The following DCDC2 variants were observed in gnomAD, a reference collection of about 807,000 sequenced individuals.
DCDC2 encodes doublecortin domain-containing protein 2.
Under a neutral mutation model 50.2 loss-of-function variants are expected in DCDC2, and 40 were observed. The ratio of observed to expected loss-of-function variants is 0.80; its 90% CI spans 0.62 to 1.04. The LOEUF (loss-of-function observed/expected upper bound fraction) is 1.04. Among genes scored for constraint, DCDC2 ranks in the 50% least tolerant of loss-of-function variants. DCDC2 has a pLI of 0.00. For missense variants in DCDC2, 570 were observed against 581.9 expected (o/e 0.98, Z 0.21); for synonymous variants, 234 against 210.6 (o/e 1.11, Z -0.96).
At chr6:24,289,179 T>C (rs576375896) in intron 5 of DCDC2, among the ~76,000 whole-genome samples, 19 of 152,334 alleles carry the variant, frequency 1.2e-4, no homozygotes, top group African/African-American at 4.3e-4. Flanking sequence ...TGTATAGCAT[T>C]TTTATCCAGA....
chr6:24,201,920 C>T (rs909659124), intron 8 of DCDC2, among the ~76,000 whole-genome samples: 2 of 152,106 alleles, frequency 1.3e-5, no homozygotes, highest in East Asian at 1.9e-4. Context: ...GACACATACA[C>T]CCTCCCAAGA....
intron 8 of DCDC2, among the ~76,000 whole-genome samples, chr6:24,199,068 G>C (rs189968250): frequency 1.3e-5 from 2 of 152,192 alleles, no homozygotes; most frequent in African/African-American, 4.8e-5. Flanking sequence ...GGGAAGCAGC[G>C]GCTGTGGGCA....
chr6:24,258,253 G>T (rs1304304541), intron 7 of DCDC2, among the ~76,000 whole-genome samples: 1 of 152,178 alleles, frequency 6.6e-6, no homozygotes, highest in East Asian at 1.9e-4. Flanking sequence ...GACCCAAGTG[G>T]GTTGCTGCTG....
At chr6:24,366,704 C>T in the DCDC2 span, among the ~76,000 whole-genome samples, 2 of 152,112 alleles carry the variant, frequency 1.3e-5, no homozygotes, top group Non-Finnish European at 2.9e-5. Context: ...AGTATATATG[C>T]TCATATGTGG....
At position 24,357,697 on chromosome 6, in the gene DCDC2, G is replaced by T. The variant is rs768455564; in HGVS notation, c.54C>A (p.Ser18Arg). The change falls in exon 1 of 10, where the codon AGC becomes AGA. Residue 18 changes from serine to arginine, a missense_variant. By Grantham distance (110) the Ser-to-Arg change is moderately radical. Coordinates refer to ENST00000378454, the MANE Select transcript of DCDC2 (RefSeq NM_016356.5). The part of the protein sequence containing the change: ...SSHLSQPVVK[S>R]VLVYRNGDPF... The stretch of plus-strand genomic sequence containing the variant: ...GGTCCCCGTTGCGGTACACAAGCAC[G>T]CTCTTCACGACGGGCTGAGACAGGT... 14 of 1,613,386 alleles carry T rather than the reference G, an allele frequency of 8.7e-6. No individual in the cohort carries two copies. Among genetic ancestry groups the T allele is most frequent in the Non-Finnish European group, 1.2e-5 (14 of 1,180,014 alleles).
At chr6:24,358,786 TAA>T (rs1420821586), upstream of DCDC2, among the ~76,000 whole-genome samples, 9 of 82,654 alleles carry the variant, frequency 1.1e-4, no homozygotes, top group East Asian at 3.2e-4. Context: ...ATATAATATA[TAA>T]AATATATATT....
intron 6 of DCDC2, among the ~76,000 whole-genome samples, chr6:24,281,522 G>A (rs1432718734): frequency 6.7e-6 from 1 of 149,490 alleles, no homozygotes; most frequent in African/African-American, 2.4e-5. Context: ...AGGGTGAAGG[G>A]GGAGAAGAGA....
chr6:24,349,047 A>G (rs1760316148), intron 2 of DCDC2, among the ~76,000 whole-genome samples: 1 of 152,208 alleles, frequency 6.6e-6, no homozygotes, highest in Non-Finnish European at 1.5e-5. Context: ...TCCACCTTGA[A>G]TGGTTATGGA....
intron 8 of DCDC2, among the ~76,000 whole-genome samples, chr6:24,194,635 G>C (rs76692824): frequency 6.6e-6 from 1 of 152,184 alleles, no homozygotes. Flanking sequence ...AAATGGAGCA[G>C]ACTCATTTCT....
intron 7 of DCDC2, among the ~76,000 whole-genome samples, chr6:24,228,973 G>C (rs1268918851): frequency 6.6e-6 from 1 of 152,128 alleles, no homozygotes; most frequent in Non-Finnish European, 1.5e-5. Context: ...TCTGTTTTTG[G>C]CTTTTAATTT....
chr6:24,206,176 C>T (rs544763915), intron 7 of DCDC2, among the ~76,000 whole-genome samples: 21 of 152,088 alleles, frequency 1.4e-4, no homozygotes, highest in Admixed American at 5.2e-4. Flanking sequence ...TGTTGAGGAC[C>T]AATTATATGC....
intron 8 of DCDC2, among the ~76,000 whole-genome samples, chr6:24,203,799 C>T (rs1204503682): frequency 8.5e-6 from 1 of 117,364 alleles, no homozygotes; most frequent in African/African-American, 3.0e-5. Flanking sequence ...AGAAAAAAAA[C>T]AAACAAACCC....
At chr6:24,376,251 T>C in the DCDC2 span, among the ~76,000 whole-genome samples, 3 of 152,142 alleles carry the variant, frequency 2.0e-5, no homozygotes, top group African/African-American at 7.2e-5. Flanking sequence ...TATGACGCAC[T>C]GAACACAAAC....
intron 2 of DCDC2, among the ~76,000 whole-genome samples, chr6:24,319,049 C>T (rs1003892820): frequency 8.5e-5 from 13 of 152,118 alleles, no homozygotes; most frequent in Non-Finnish European, 1.9e-4. Flanking sequence ...TTCCCACCAA[C>T]AGTGTATAAG....
intron 2 of DCDC2, among the ~76,000 whole-genome samples, chr6:24,339,529 C>T (rs1313176443): frequency 6.6e-6 from 1 of 152,154 alleles, no homozygotes. Context: ...TGACTAGTGT[C>T]ATTCCCTTGG....
At chr6:24,240,141 G>A (rs1303004457) in intron 7 of DCDC2, among the ~76,000 whole-genome samples, 1 of 152,136 alleles carries the variant, frequency 6.6e-6, no homozygotes, top group Non-Finnish European at 1.5e-5. Flanking sequence ...TGAACACTGA[G>A]ATTAACCAAT....
the DCDC2 span, among the ~76,000 whole-genome samples, chr6:24,378,155 A>G: frequency 6.6e-6 from 1 of 152,262 alleles, no homozygotes; most frequent in East Asian, 1.9e-4. Context: ...AAAATACAGC[A>G]GAGCAGGAAG....
chr6:24,347,255 G>C (rs1014659651), intron 2 of DCDC2, among the ~76,000 whole-genome samples: 3 of 152,086 alleles, frequency 2.0e-5, no homozygotes, highest in African/African-American at 4.8e-5. Flanking sequence ...CTGCAACAAA[G>C]ACCAACATTG....
Position 24,357,483 on chromosome 6 carries a change from C to T in DCDC2, c.268G>A (p.Gly90Ser). The change falls in exon 1 of 10, where the codon GGC (glycine) becomes AGC (serine). Residue 90 changes from glycine (G) to serine (S), a missense_variant. Physicochemically the swap from Gly to Ser is moderately conservative, Grantham distance 56. Transcript: ENST00000378454. ...TTGAGTTTCTTGAAGGCTTCCTGGC[C>T]TCCAGCCACGTAATTGCCCCCGCTC... Reference protein sequence around the residue: ...IQSGGNYVAGGQEAFKKLNYL... With the variant: ...IQSGGNYVAGSQEAFKKLNYL... 6.2e-7 allele frequency: 1 copy of T among 1,609,374 alleles called. No individual in the cohort carries two copies. Among genetic ancestry groups the T allele is most frequent in the Non-Finnish European group, 8.5e-7 (1 of 1,177,218 alleles).
Sources: allele counts gnomAD v4.1 joint callset (sites outside exome capture counted in the v4.1 genomes callset), GRCh38; gene constraint gnomAD v4.1.1; transcripts MANE v1.5; gene names NCBI Gene and HGNC (gene_info 2026-07-23, HGNC 2026-07-21).